The following ALG14 variants were observed in gnomAD, a reference collection of about 807,000 sequenced individuals.
ALG14 encodes ALG14 UDP-N-acetylglucosaminyltransferase subunit.
ALG14 carries 17 observed loss-of-function variants against 22.8 expected under a neutral mutation model. The observed-to-expected ratio is 0.75, with a 90% CI of 0.51 to 1.12. The LOEUF is 1.12. Ranked by LOEUF, ALG14 falls within the 50% of genes most tolerant of loss-of-function variation. ALG14 has a pLI of 0.00. For missense variants in ALG14, 288 were observed against 271.8 expected (o/e 1.06, Z -0.42); for synonymous variants, 89 against 103.7 (o/e 0.86, Z 0.86).
intron 3 of ALG14, among the ~76,000 whole-genome samples, chr1:95,017,947 A>C (rs1673549994): frequency 1.3e-5 from 2 of 152,194 alleles, no homozygotes; most frequent in African/African-American, 4.8e-5. Context: ...CTTGGTTAAA[A>C]GCAAGTGCAT....
In ALG14 at chr1:94,979,439, A is replaced by C. The variant is rs935403984; in HGVS notation, c.*3637T>G. 3.9e-5 allele frequency: 6 copies of C among 152,136 alleles called. No homozygotes were observed. The highest frequency in any genetic ancestry group is 8.8e-5 in the Non-Finnish European group (6 of 68,034). The allele number at this position is 152,136 out of a possible 1,614,324, so 9.4% of individuals were successfully genotyped here. On this transcript the variant is annotated 3_prime_UTR_variant, in exon 4 of 4. Coordinates refer to ENST00000370205, the MANE Select transcript of ALG14 (RefSeq NM_144988.4). ...AGGTGTTTCCTCAGTTCCTCAATAAAACTTGCTCATCAAGCAAGAAATTTT... is the reference window on the plus strand; with the variant it reads ...AGGTGTTTCCTCAGTTCCTCAATAACACTTGCTCATCAAGCAAGAAATTTT...
intron 2 of ALG14, among the ~76,000 whole-genome samples, chr1:95,053,410 CATA>C (rs1272068650): frequency 6.6e-6 from 1 of 151,846 alleles, no homozygotes; most frequent in Non-Finnish European, 1.5e-5. Context: ...ATTTGAGCTT[CATA>C]ATGATTAAAA....
chr1:94,990,637 T>C (rs1672748489), intron 3 of ALG14, among the ~76,000 whole-genome samples: 1 of 152,234 alleles, frequency 6.6e-6, no homozygotes, highest in African/African-American at 2.4e-5. Flanking sequence ...CGTACTACAG[T>C]CATCTAGCCA....
intron 1 of ALG14, among the ~76,000 whole-genome samples, chr1:95,070,611 C>A (rs77498955): frequency 6.6e-6 from 1 of 152,238 alleles, no homozygotes; most frequent in Non-Finnish European, 1.5e-5. Context: ...CCCAATCTCA[C>A]GCTTTGTGCT....
intron 2 of ALG14, among the ~76,000 whole-genome samples, chr1:95,045,430 G>A (rs1674515440): frequency 6.6e-6 from 1 of 151,960 alleles, no homozygotes; most frequent in Admixed American, 6.6e-5. Flanking sequence ...TGACAATGTT[G>A]GAATAATAGG....
At chr1:95,060,214 C>A (rs1017315825) in intron 2 of ALG14, among the ~76,000 whole-genome samples, 1 of 151,868 alleles carries the variant, frequency 6.6e-6, no homozygotes, top group East Asian at 2.0e-4. Flanking sequence ...GAAATGTTCA[C>A]GCTATCTCCC....
intron 2 of ALG14, among the ~76,000 whole-genome samples, chr1:95,047,662 T>C (rs981752542): frequency 2.0e-5 from 3 of 152,112 alleles, no homozygotes; most frequent in Non-Finnish European, 4.4e-5. Flanking sequence ...TGCATATTTC[T>C]GTATTGTCCA....
chr1:94,986,363 A>G (rs1672640223), intron 3 of ALG14, among the ~76,000 whole-genome samples: 1 of 152,248 alleles, frequency 6.6e-6, no homozygotes, highest in African/African-American at 2.4e-5. Context: ...AAGGGAGTAT[A>G]GAAGGAGTGG....
rs1206694092 is a variant in ALG14, at chr1:94,983,508, C to T, written c.421-202G>A. On this transcript the variant is annotated intron_variant, in intron 3 of 3. Transcript: ENST00000370205. The stretch of plus-strand genomic sequence containing the variant: ...CAGGCAGAGCTGTGTTGTCTTGGCT[C>T]TCTTGCTTACCAACTGTGTGACTCA... 10 of 566,614 alleles carry T rather than the reference C, an allele frequency of 1.8e-5. No homozygotes were observed. In the Admixed American group the frequency reaches 3.1e-4, roughly 18 times the overall value. 35.1% of individuals were successfully genotyped at this position (566,614 alleles called of 1,614,324 possible).
At chr1:94,983,390 A>G in intron 3 of ALG14, 84 bp from the exon 4 acceptor site, 1 of 1,091,108 alleles carries the variant, frequency 9.2e-7, no homozygotes, top group Non-Finnish European at 1.3e-6. Context: ...GCCTGATTTC[A>G]GAGGGGATCT....
intron 3 of ALG14, among the ~76,000 whole-genome samples, chr1:94,999,660 CT>C (rs1673006926): frequency 6.6e-6 from 1 of 152,188 alleles, no homozygotes; most frequent in African/African-American, 2.4e-5. Flanking sequence ...CCAAGTCCAT[CT>C]CTCCTTTGGC....
intron 2 of ALG14, among the ~76,000 whole-genome samples, chr1:95,059,228 C>G (rs1039060824): frequency 8.6e-5 from 13 of 151,694 alleles, no homozygotes; most frequent in African/African-American, 3.1e-4. Flanking sequence ...GAAACCCCGT[C>G]TCTACTAAAA....
intron 3 of ALG14, among the ~76,000 whole-genome samples, chr1:95,001,586 C>T (rs1332497789): frequency 6.6e-6 from 1 of 152,180 alleles, no homozygotes; most frequent in Non-Finnish European, 1.5e-5. Flanking sequence ...ACCTCCGCCT[C>T]CCGGGCTCGA....
chr1:95,049,913 C>G (rs980077494), intron 2 of ALG14, among the ~76,000 whole-genome samples: 3 of 152,068 alleles, frequency 2.0e-5, no homozygotes, highest in Admixed American at 1.3e-4. Context: ...TTTCTACAAA[C>G]TAGCAAAAAC....
intron 2 of ALG14, among the ~76,000 whole-genome samples, chr1:95,039,507 AG>A (rs1427085803): frequency 1.3e-5 from 2 of 152,166 alleles, no homozygotes; most frequent in African/African-American, 2.4e-5. Flanking sequence ...GTTTTTACCT[AG>A]GGTGAACGGT....
In ALG14 at chr1:95,065,016, A is replaced by C; in HGVS notation, c.138T>G (p.Gly46=). 1 of 1,610,194 alleles carries C rather than the reference A, an allele frequency of 6.2e-7. No homozygotes were observed. The highest frequency in any genetic ancestry group is 1.7e-4 in the Middle Eastern group (1 of 6,034). ...GCCTCAGGATCTCAGTGGTATGCCC[A>C]CCTGGAAAAAATATCAGAAGTCCTA... ...SLSILVVAGS[G]GHTTEILRLL... Residue 46 remains glycine, a splice_region_variant and synonymous_variant, in exon 2 of 4, where the codon GGT becomes GGG. Transcript: ENST00000370205.
chr1:95,072,627 G>A lies in ALG14; in HGVS notation c.136+136C>T, dbSNP rs140352035. 1.9e-3 allele frequency: 2,448 copies of A among 1,320,206 alleles called. 14 individuals carry two copies. Among genetic ancestry groups the A allele is most frequent in the South Asian group, 0.011 (704 of 64,252 alleles). The allele number at this position is 1,320,206 out of a possible 1,614,324, so 81.8% of individuals were successfully genotyped here. ...TACCCTGGCTGGACTGCCCGGTTCC[G>A]GCAAGGCAGAGAAACTACAAATCTC... is the stretch of plus-strand genomic sequence containing the variant. On this transcript the variant is annotated intron_variant, in intron 1 of 3. Transcript: ENST00000370205.
chr1:95,038,670 A>G (rs1674276460), intron 2 of ALG14, among the ~76,000 whole-genome samples: 2 of 142,266 alleles, frequency 1.4e-5, no homozygotes, highest in Non-Finnish European at 1.5e-5. Context: ...AACAAGAACA[A>G]AACTTCACCT....
intron 3 of ALG14, among the ~76,000 whole-genome samples, chr1:94,991,232 G>A (rs986656853): frequency 6.6e-6 from 1 of 152,228 alleles, no homozygotes; most frequent in African/African-American, 2.4e-5. Flanking sequence ...ATTCCAGTGA[G>A]TAGGCAGAAA....
Sources: gnomAD v4.1 joint callset for allele counts (sites outside exome capture counted in the v4.1 genomes callset) on GRCh38, gnomAD v4.1.1 for gene constraint, MANE v1.5 for transcripts, NCBI Gene and HGNC (gene_info 2026-07-23, HGNC 2026-07-21) for gene names.